TLCD4: variants seen among roughly 807,000 people sequenced by gnomAD.
TLCD4 encodes the protein TLC domain-containing protein 4.
A neutral mutation model predicts 24.2 loss-of-function variants in TLCD4; 7 were observed. The ratio of observed to expected loss-of-function variants is 0.29; its 90% CI spans 0.16 to 0.54. The LOEUF (loss-of-function observed/expected upper bound fraction) is 0.54. Among genes scored for constraint, TLCD4 ranks in the 20% least tolerant of loss-of-function variants. The probability of loss-of-function intolerance (pLI) is 0.95; values close to 1 mark genes in which losing one functional copy is unlikely to be tolerated. For synonymous variants in TLCD4, 103 were observed against 106.4 expected, an observed-to-expected ratio of 0.97 and a Z score of 0.20; for missense variants, 259 against 313.9, an observed-to-expected ratio of 0.82 and a Z score of 1.32.
chr1:95,106,750 T>C, the TLCD4 span, among the ~76,000 whole-genome samples: 2 of 152,160 alleles, frequency 1.3e-5, no homozygotes, highest in Non-Finnish European at 2.9e-5. Context: ...TATTAATATA[T>C]TGCAAAGTAT....
intron 5 of TLCD4, among the ~76,000 whole-genome samples, chr1:95,158,712 A>G (rs1351568683): frequency 2.3e-5 from 3 of 131,200 alleles, no homozygotes; most frequent in East Asian, 2.4e-4. Context: ...CCTGTGTCCA[A>G]GTGTTCTTAT....
chr1:95,094,641 AC>A, the TLCD4 span, among the ~76,000 whole-genome samples: 1 of 152,168 alleles, frequency 6.6e-6, no homozygotes, highest in African/African-American at 2.4e-5. Flanking sequence ...GTTTATCTGG[AC>A]CATCAAGAAC....
chr1:95,161,446 A>G (rs974796109), intron 5 of TLCD4, among the ~76,000 whole-genome samples: 2 of 152,152 alleles, frequency 1.3e-5, no homozygotes, highest in Non-Finnish European at 2.9e-5. Context: ...GATCTTTTCA[A>G]GAAACCAGCT....
At chr1:95,176,417 T>C (rs1678434645) in intron 6 of TLCD4, among the ~76,000 whole-genome samples, 1 of 151,856 alleles carries the variant, frequency 6.6e-6, no homozygotes, top group South Asian at 2.1e-4. Context: ...TCTCGAACTC[T>C]TGACCTCAAG....
chr1:95,130,204 G>C (rs1271414617), intron 1 of TLCD4, among the ~76,000 whole-genome samples: 1 of 54,620 alleles, frequency 1.8e-5, no homozygotes, highest in Non-Finnish European at 7.9e-5. Context: ...CCAGGCTGGA[G>C]TTCAGTGGTG....
At chr1:95,092,995 T>C in the TLCD4 span, among the ~76,000 whole-genome samples, 1 of 152,212 alleles carries the variant, frequency 6.6e-6, no homozygotes, top group Non-Finnish European at 1.5e-5. Flanking sequence ...CACCTCAGCC[T>C]CCCAGAGTGC....
the TLCD4 span, among the ~76,000 whole-genome samples, chr1:95,098,569 C>T: frequency 1.3e-5 from 2 of 152,152 alleles, no homozygotes; most frequent in Non-Finnish European, 1.5e-5. Context: ...GCCTAGGCTT[C>T]AAAACCAGAG....
intron 1 of TLCD4, among the ~76,000 whole-genome samples, chr1:95,132,417 A>G (rs1324255319): frequency 7.1e-6 from 1 of 140,252 alleles, no homozygotes; most frequent in Non-Finnish European, 1.5e-5. Flanking sequence ...AGATTGCACC[A>G]TTGCACTCCA....
At chr1:95,135,085 A>T (rs1050849929) in intron 1 of TLCD4, among the ~76,000 whole-genome samples, 1 of 152,166 alleles carries the variant, frequency 6.6e-6, no homozygotes, top group Non-Finnish European at 1.5e-5. Context: ...TATACTTAAC[A>T]TTTCCTTCCC....
At chr1:95,171,725 G>A (rs1678234671) in intron 5 of TLCD4, among the ~76,000 whole-genome samples, 1 of 152,012 alleles carries the variant, frequency 6.6e-6, no homozygotes, top group Non-Finnish European at 1.5e-5. Context: ...ATTTAATTAG[G>A]GAGATAAAAC....
intron 1 of TLCD4, among the ~76,000 whole-genome samples, chr1:95,127,822 G>A (rs796089128): frequency 6.6e-5 from 10 of 152,246 alleles, no homozygotes; most frequent in Admixed American, 2.6e-4. Flanking sequence ...CTTCAAAACC[G>A]TTACTTTTTA....
chr1:95,098,953 C>G, the TLCD4 span, among the ~76,000 whole-genome samples: 1 of 145,584 alleles, frequency 6.9e-6, no homozygotes, highest in South Asian at 2.2e-4. Flanking sequence ...CCCAGCTGCT[C>G]GGGAGGCTGA....
chr1:95,134,022 C>T (rs1043392862), intron 1 of TLCD4, among the ~76,000 whole-genome samples: 2 of 151,688 alleles, frequency 1.3e-5, no homozygotes, highest in African/African-American at 2.4e-5. Flanking sequence ...GGTCAGTGGA[C>T]TGATAATGTT....
the TLCD4 span, among the ~76,000 whole-genome samples, chr1:95,111,909 T>C: frequency 6.6e-6 from 1 of 152,176 alleles, no homozygotes; most frequent in Non-Finnish European, 1.5e-5. Flanking sequence ...TGAAGCGTTC[T>C]CATAAACAAA....
intron 1 of TLCD4, among the ~76,000 whole-genome samples, chr1:95,122,367 C>CAAACA (rs770326058): frequency 2.6e-5 from 4 of 152,076 alleles, no homozygotes; most frequent in South Asian, 2.1e-4. Flanking sequence ...TAAAACAAAA[C>CAAACA]AAACAAAACA....
At chr1:95,133,071 C>T (rs555644122) in intron 1 of TLCD4, among the ~76,000 whole-genome samples, 39 of 151,736 alleles carry the variant, frequency 2.6e-4, no homozygotes, top group African/African-American at 7.0e-4. Context: ...AGAGAGAGAG[C>T]GCAAGTGTAA....
chr1:95,106,467 G>A, the TLCD4 span, among the ~76,000 whole-genome samples: 3 of 152,096 alleles, frequency 2.0e-5, no homozygotes, highest in Non-Finnish European at 2.9e-5. Flanking sequence ...TTGGCAGGCC[G>A]AGGCGGGTGG....
At chr1:95,189,391 C>A (rs190107490) in intron 6 of TLCD4, among the ~76,000 whole-genome samples, 13 of 152,270 alleles carry the variant, frequency 8.5e-5, no homozygotes, top group Admixed American at 6.5e-4. Flanking sequence ...CCTGGTATCC[C>A]CCAACCTCCT....
chr1:95,156,689 A>G (rs1009027307), intron 5 of TLCD4, among the ~76,000 whole-genome samples: 2 of 152,062 alleles, frequency 1.3e-5, no homozygotes, highest in Admixed American at 6.6e-5. Flanking sequence ...AACAAATCTG[A>G]CTCATTTTGC....
Sources: gnomAD v4.1 joint callset for allele counts (sites outside exome capture counted in the v4.1 genomes callset) on GRCh38, gnomAD v4.1.1 for gene constraint, MANE v1.5 for transcripts, NCBI Gene and HGNC (gene_info 2026-07-23, HGNC 2026-07-21) for gene names.